The following FCGR2B variants were observed in gnomAD, a reference collection of about 807,000 sequenced individuals.
FCGR2B encodes the protein low affinity immunoglobulin gamma Fc region receptor II-b.
Under a neutral mutation model 24.8 loss-of-function variants are expected in FCGR2B, and 18 were observed. The ratio of observed to expected loss-of-function variants is 0.73; its 90% CI spans 0.50 to 1.08. FCGR2B has a LOEUF of 1.08. Ranked by LOEUF, FCGR2B falls within the 50% of genes least tolerant of loss-of-function variation. The pLI is 0.00. For missense variants in FCGR2B, 215 were observed against 297.6 expected, an observed-to-expected ratio of 0.72 and a Z score of 2.04; for synonymous variants, 79 against 109.8, an observed-to-expected ratio of 0.72 and a Z score of 1.75.
chr1:161,674,950 AAC>A, intron 5 of FCGR2B: 1 of 313,004 alleles, frequency 3.2e-6, no homozygotes. Context: ...AATACAGAGA[AAC>A]AGAGAGAGAG....
At chr1:161,647,340 A>C in the FCGR2B span, among the ~76,000 whole-genome samples, 1 of 129,752 alleles carries the variant, frequency 7.7e-6, no homozygotes, top group Non-Finnish European at 1.5e-5. Flanking sequence ...CGCTCTTGTC[A>C]CCCAGGCTGG....
chr1:161,649,302 A>G, the FCGR2B span, among the ~76,000 whole-genome samples: 3 of 151,140 alleles, frequency 2.0e-5, no homozygotes, highest in African/African-American at 7.3e-5. Flanking sequence ...ACTGCCAATA[A>G]TATGAATGTC....
chr1:161,654,856 T>C, the FCGR2B span, among the ~76,000 whole-genome samples: 31 of 138,242 alleles, frequency 2.2e-4, no homozygotes, highest in African/African-American at 7.6e-4. Flanking sequence ...AGTTATCACT[T>C]TGTGTATTAT....
At chr1:161,674,752 C>G (rs533708114) in intron 5 of FCGR2B, 2,661 of 157,232 alleles carry the variant, frequency 0.017, 90 homozygotes, top group African/African-American at 0.062. Flanking sequence ...CAGCGCTTAG[C>G]TAGGGAAGGA....
the FCGR2B span, among the ~76,000 whole-genome samples, chr1:161,653,500 C>T: frequency 0.41 from 45,708 of 112,626 alleles, 5,987 homozygotes; most frequent in Admixed American, 0.45. Context: ...AACCCACAGG[C>T]GAGTTTTTTT....
At chr1:161,654,358 A>T in the FCGR2B span, among the ~76,000 whole-genome samples, 27,552 of 84,518 alleles carry the variant, frequency 0.33, 3,792 homozygotes, top group Non-Finnish European at 0.4. Context: ...GGGTAGAGAG[A>T]TGTTTGTTTT....
At chr1:161,671,683 A>G in intron 3 of FCGR2B, 34 bp downstream of exon 3, 1 of 1,611,536 alleles carries the variant, frequency 6.2e-7, no homozygotes, top group Non-Finnish European at 8.5e-7. Flanking sequence ...TGGACCTGGG[A>G]GGGCCAGGAC....
At chr1:161,654,289 C>T in the FCGR2B span, among the ~76,000 whole-genome samples, 8 of 131,002 alleles carry the variant, frequency 6.1e-5, no homozygotes, top group South Asian at 2.7e-4. Flanking sequence ...TAGATCTCAC[C>T]CAATGGTAGA....
chr1:161,661,260 A>G (rs6686706), upstream of FCGR2B, among the ~76,000 whole-genome samples: 2 of 23,310 alleles, frequency 8.6e-5, no homozygotes, highest in South Asian at 1.3e-3. Flanking sequence ...GAAAGAAAGA[A>G]AGGAAGGAAG....
At chr1:161,677,248 G>A (rs1462964380) in intron 6 of FCGR2B, 80 bp from the exon 7 acceptor site, 3 of 1,454,650 alleles carry the variant, frequency 2.1e-6, no homozygotes, top group Admixed American at 1.7e-5. Flanking sequence ...TTGGGCGTTG[G>A]TTTTGCAGCC....
At chr1:161,675,923 C>T in intron 6 of FCGR2B, 1 of 232,922 alleles carries the variant, frequency 4.3e-6, no homozygotes, top group East Asian at 6.1e-5. Flanking sequence ...GAATTTTGGC[C>T]TGGTTCTGCC....
the FCGR2B span, among the ~76,000 whole-genome samples, chr1:161,652,728 G>T: frequency 3.0e-5 from 4 of 134,670 alleles, no homozygotes. Flanking sequence ...TAGGGACTGA[G>T]GTAAATTGCA....
intron 6 of FCGR2B, 56 bp from the exon 7 acceptor site, chr1:161,677,272 A>C (rs569354331): frequency 1.1e-4 from 168 of 1,570,322 alleles, no homozygotes; most frequent in Non-Finnish European, 1.4e-4. Flanking sequence ...GCATCAGCAC[A>C]GGCAGGCCCT....
At chr1:161,665,095 C>T in intron 1 of FCGR2B, among the ~76,000 whole-genome samples, 1 of 100,466 alleles carries the variant, frequency 1.0e-5, no homozygotes. Flanking sequence ...CCTTTTTTTT[C>T]TCTCGCTCTT....
chr1:161,671,362 T>C lies in FCGR2B; in HGVS notation c.134-30T>C, dbSNP rs757131683. 72 of 1,613,986 alleles carry C rather than the reference T, an allele frequency of 4.5e-5. No individual in the cohort carries two copies. The Admixed American group carries it at 5.5e-4, about 12-fold the overall frequency. On this transcript the variant is annotated intron_variant, in intron 2 of 7. Transcript: ENST00000358671. Reference sequence around the variant, plus strand: ...TCTCAAGCTCCTGGGCTTCCTCTTCTTCATGCTACCTCCTCTCTCTGCCCC... The same window carrying C: ...TCTCAAGCTCCTGGGCTTCCTCTTCCTCATGCTACCTCCTCTCTCTGCCCC...
chr1:161,669,660 C>A (rs7539744), intron 1 of FCGR2B, among the ~76,000 whole-genome samples: 21,552 of 136,772 alleles, frequency 0.16, 3,238 homozygotes, highest in African/African-American at 0.26. Context: ...CTAGAACTTG[C>A]ATTGCTCAGT....
intron 6 of FCGR2B, chr1:161,675,633 G>C (rs1161590759): frequency 3.6e-6 from 1 of 276,518 alleles, no homozygotes; most frequent in African/African-American, 2.2e-5. Context: ...TGGAGCTTTG[G>C]CAGAGCTGGC....
intron 6 of FCGR2B, chr1:161,676,219 C>T (rs1255803942): frequency 4.5e-6 from 1 of 221,696 alleles, no homozygotes; most frequent in Non-Finnish European, 9.0e-6. Flanking sequence ...AAGAGGCTGT[C>T]AAAGACCCCA....
intron 3 of FCGR2B, 59 bp from the exon 4 acceptor site, chr1:161,672,916 T>C: frequency 1.2e-6 from 2 of 1,605,062 alleles, no homozygotes; most frequent in Non-Finnish European, 1.7e-6. Context: ...AAGGAAGATC[T>C]GGGTCTCAGA....
Sources: gnomAD v4.1 joint callset for allele counts (sites outside exome capture counted in the v4.1 genomes callset) on GRCh38, gnomAD v4.1.1 for gene constraint, MANE v1.5 for transcripts, NCBI Gene and HGNC (gene_info 2026-07-23, HGNC 2026-07-21) for gene names.